THSD4: variants seen among roughly 807,000 people sequenced by gnomAD.
THSD4 encodes thrombospondin type-1 domain-containing protein 4.
In THSD4, 69 loss-of-function variants were observed where a neutral mutation model predicts 119.0. The ratio of observed to expected loss-of-function variants is 0.58; its 90% CI spans 0.48 to 0.71. THSD4 has a LOEUF of 0.71. Ranked by LOEUF, THSD4 falls within the 30% of genes least tolerant of loss-of-function variation. The probability of loss-of-function intolerance (pLI) is 0.00; values close to 1 mark genes in which losing one functional copy is unlikely to be tolerated. For missense variants in THSD4, 1,393 were observed against 1,391.1 expected (o/e 1.00, Z -0.02); for synonymous variants, 524 against 540.4 (o/e 0.97, Z 0.42).
In THSD4 at chr15:71,303,014, C is replaced by G. The variant is rs528532894; in HGVS notation, c.1015+46299C>G. ...GCATGCAGCCTCAGGCCTGCCCACCCGATACGAGGTCTGCATGTATGAGTT... is the reference window on the plus strand; with the variant it reads ...GCATGCAGCCTCAGGCCTGCCCACCGGATACGAGGTCTGCATGTATGAGTT... On this transcript the variant is annotated intron_variant, in intron 6 of 17. Coordinates refer to ENST00000261862, the MANE Select transcript of THSD4 (RefSeq NM_024817.3). Among the ~76,000 whole-genome samples the G allele has an allele frequency of 6.6e-5, 10 of 152,244 alleles. No homozygotes were observed. The South Asian group carries it at 2.1e-3, about 32-fold the overall frequency.
At chr15:71,125,392 T>C (rs931071442) in intron 1 of THSD4, among the ~76,000 whole-genome samples, 4 of 152,246 alleles carry the variant, frequency 2.6e-5, no homozygotes, top group African/African-American at 7.2e-5. Context: ...CTCTTTTCCC[T>C]TTTCTTTCCT....
At chr15:71,670,904 C>G (rs1480621188) in intron 8 of THSD4, among the ~76,000 whole-genome samples, 1 of 152,106 alleles carries the variant, frequency 6.6e-6, no homozygotes, top group Non-Finnish European at 1.5e-5. Flanking sequence ...CAGTGATGGA[C>G]ATTTGGGTTG....
At chr15:71,583,984 C>T (rs1168158461) in intron 7 of THSD4, among the ~76,000 whole-genome samples, 3 of 152,076 alleles carry the variant, frequency 2.0e-5, no homozygotes, top group Non-Finnish European at 4.4e-5. Flanking sequence ...GATCTGTTTA[C>T]TGTTAGTTAG....
chr15:71,204,970 G>A (rs2043831654), intron 3 of THSD4, among the ~76,000 whole-genome samples: 2 of 152,254 alleles, frequency 1.3e-5, no homozygotes, highest in South Asian at 4.1e-4. Context: ...CAGCCTATGA[G>A]CTCAGTTTAG....
chr15:71,489,588 A>G (rs892908280), intron 7 of THSD4, among the ~76,000 whole-genome samples: 9 of 152,112 alleles, frequency 5.9e-5, no homozygotes, highest in African/African-American at 1.9e-4. Context: ...TGCTGCCTCT[A>G]GACTCTCCCC....
At chr15:71,156,260 CTT>C (rs1194104436) in intron 3 of THSD4, among the ~76,000 whole-genome samples, 19 of 141,628 alleles carry the variant, frequency 1.3e-4, no homozygotes, top group Admixed American at 1.4e-4. Flanking sequence ...AGGGGGTTTT[CTT>C]TTTTTTTTTT....
At chr15:71,126,015 G>A (rs2040452516) in intron 1 of THSD4, among the ~76,000 whole-genome samples, 1 of 152,336 alleles carries the variant, frequency 6.6e-6, no homozygotes, top group African/African-American at 2.4e-5. Flanking sequence ...GTTGGGCAGG[G>A]GGCTGGCATT....
intron 8 of THSD4, among the ~76,000 whole-genome samples, chr15:71,673,059 A>T (rs919105189): frequency 2.0e-5 from 3 of 152,210 alleles, no homozygotes; most frequent in Non-Finnish European, 4.4e-5. Flanking sequence ...TTTCAGAAGG[A>T]ATGGTACCAG....
At chr15:71,377,867 A>C (rs1437061374) in intron 6 of THSD4, among the ~76,000 whole-genome samples, 2 of 86,280 alleles carry the variant, frequency 2.3e-5, no homozygotes, top group African/African-American at 8.7e-5. Flanking sequence ...ACATATCCAC[A>C]ACACACACAC....
At chr15:71,568,363 G>A (rs2049280986) in intron 7 of THSD4, among the ~76,000 whole-genome samples, 1 of 151,968 alleles carries the variant, frequency 6.6e-6, no homozygotes. Flanking sequence ...GCAGCACATG[G>A]GTGACATGAT....
At chr15:71,529,898 T>C (rs947938522) in intron 7 of THSD4, among the ~76,000 whole-genome samples, 18 of 152,214 alleles carry the variant, frequency 1.2e-4, no homozygotes, top group Non-Finnish European at 2.4e-4. Flanking sequence ...CTACCCTTTC[T>C]TAATGACCTG....
chr15:71,755,454 C>T (rs561513695), intron 14 of THSD4, among the ~76,000 whole-genome samples: 13 of 152,048 alleles, frequency 8.5e-5, no homozygotes, highest in East Asian at 3.9e-4. Context: ...TAAAATAATA[C>T]GGGTAGAACT....
At chr15:71,338,868 C>T (rs1023659999) in intron 6 of THSD4, among the ~76,000 whole-genome samples, 2 of 152,114 alleles carry the variant, frequency 1.3e-5, no homozygotes, top group African/African-American at 2.4e-5. Context: ...GAACTGAGGT[C>T]AGGGTCTGGC....
chr15:71,753,476 G>A (rs1382369744), intron 14 of THSD4, among the ~76,000 whole-genome samples: 1 of 152,210 alleles, frequency 6.6e-6, no homozygotes, highest in Non-Finnish European at 1.5e-5. Context: ...CAGCCTTATA[G>A]TCCCTTAGGG....
At chr15:71,158,241 C>T (rs1482629323) in intron 3 of THSD4, among the ~76,000 whole-genome samples, 1 of 150,398 alleles carries the variant, frequency 6.6e-6, no homozygotes, top group East Asian at 2.0e-4. Context: ...GCAACCTCCA[C>T]CTCCTGGGCT....
intron 6 of THSD4, among the ~76,000 whole-genome samples, chr15:71,291,198 A>G (rs1476859897): frequency 6.6e-6 from 1 of 152,204 alleles, no homozygotes; most frequent in Non-Finnish European, 1.5e-5. Flanking sequence ...CATTATGACT[A>G]TGGAAAAAAT....
At chr15:71,257,621 G>A (rs2044334940) in intron 6 of THSD4, among the ~76,000 whole-genome samples, 1 of 152,168 alleles carries the variant, frequency 6.6e-6, no homozygotes, top group Non-Finnish European at 1.5e-5. Context: ...AGTGAGTTGT[G>A]ATGATTTTAT....
intron 6 of THSD4, among the ~76,000 whole-genome samples, chr15:71,372,380 C>G (rs914302221): frequency 1.3e-5 from 2 of 152,218 alleles, no homozygotes; most frequent in African/African-American, 4.8e-5. Context: ...TTCAGCTTTT[C>G]TGCTCTGTTT....
chr15:71,214,647 A>G (rs533854048), intron 3 of THSD4, among the ~76,000 whole-genome samples: 1 of 152,180 alleles, frequency 6.6e-6, no homozygotes, highest in Non-Finnish European at 1.5e-5. Context: ...TCTCAACCAC[A>G]GTGTCCATCC....
Sources: gnomAD v4.1 joint callset for allele counts (sites outside exome capture counted in the v4.1 genomes callset) on GRCh38, gnomAD v4.1.1 for gene constraint, MANE v1.5 for transcripts, NCBI Gene and HGNC (gene_info 2026-07-23, HGNC 2026-07-21) for gene names.